The following DGKB variants were observed in gnomAD, a reference collection of about 807,000 sequenced individuals.
The protein encoded by DGKB is 90 kDa diacylglycerol kinase.
In DGKB, 67 loss-of-function variants were observed where a neutral mutation model predicts 114.3. The ratio of observed to expected loss-of-function variants is 0.59; its 90% CI spans 0.48 to 0.72. DGKB has a LOEUF of 0.72. DGKB is among the 30% of genes least tolerant of loss of function. The pLI is 0.00. For missense variants in DGKB, 907 were observed against 975.2 expected (o/e 0.93, Z 0.93); for synonymous variants, 398 against 323.1 (o/e 1.23, Z -2.49).
chr7:14,933,259 A>C (rs7787411), intron 1 of DGKB, among the ~76,000 whole-genome samples: 33,494 of 152,146 alleles, frequency 0.22, 5,838 homozygotes, highest in East Asian at 0.81. Context: ...GAACATACTT[A>C]AACTTTTCCA....
intron 1 of DGKB, among the ~76,000 whole-genome samples, chr7:14,861,128 A>C (rs73055010): frequency 1.3e-5 from 2 of 151,936 alleles, no homozygotes; most frequent in African/African-American, 4.8e-5. Flanking sequence ...TGTGTAATAA[A>C]TCCTAGACCA....
At chr7:14,647,377 G>C (rs890937529) in intron 13 of DGKB, among the ~76,000 whole-genome samples, 4 of 151,958 alleles carry the variant, frequency 2.6e-5, no homozygotes. Context: ...AGGACAGAGA[G>C]TTTTACTGCT....
chr7:14,806,454 T>C (rs894319766), intron 2 of DGKB, among the ~76,000 whole-genome samples: 1 of 152,100 alleles, frequency 6.6e-6, no homozygotes, highest in Non-Finnish European at 1.5e-5. Context: ...CTGCTAGTGA[T>C]GTAAATATGT....
chr7:14,239,879 G>A (rs953667762), intron 23 of DGKB, among the ~76,000 whole-genome samples: 7 of 151,972 alleles, frequency 4.6e-5, no homozygotes, highest in Middle Eastern at 3.2e-3. Flanking sequence ...AGGGATTGAA[G>A]TTTAGCTGGG....
intron 20 of DGKB, among the ~76,000 whole-genome samples, chr7:14,563,024 C>T (rs373283148): frequency 6.6e-6 from 1 of 152,120 alleles, no homozygotes; most frequent in East Asian, 1.9e-4. Flanking sequence ...AACTGAATCA[C>T]AGGGGCAGGT....
At chr7:14,292,367 T>C (rs954343607) in intron 23 of DGKB, among the ~76,000 whole-genome samples, 1 of 152,146 alleles carries the variant, frequency 6.6e-6, no homozygotes, top group Non-Finnish European at 1.5e-5. Context: ...TCTCACAGTA[T>C]TTTATGTGTA....
chr7:14,819,288 T>C (rs1178098766), intron 2 of DGKB, among the ~76,000 whole-genome samples: 1 of 152,088 alleles, frequency 6.6e-6, no homozygotes, highest in East Asian at 1.9e-4. Flanking sequence ...CAATAGTGAG[T>C]AATGATAATA....
At chr7:14,162,008 G>T (rs1783972609) in intron 25 of DGKB, among the ~76,000 whole-genome samples, 2 of 152,084 alleles carry the variant, frequency 1.3e-5, no homozygotes, top group Non-Finnish European at 2.9e-5. Flanking sequence ...GTGAAACAGT[G>T]GACTAGTTCT....
At chr7:14,799,764 A>C (rs2128044817) in intron 2 of DGKB, among the ~76,000 whole-genome samples, 1 of 152,316 alleles carries the variant, frequency 6.6e-6, no homozygotes, top group East Asian at 1.9e-4. Context: ...CTTTGCAGCA[A>C]GTACAGGCTG....
intron 23 of DGKB, among the ~76,000 whole-genome samples, chr7:14,284,650 G>A (rs1349393089): frequency 6.7e-6 from 1 of 148,776 alleles, no homozygotes; most frequent in East Asian, 2.0e-4. Context: ...AGAAAATGTG[G>A]CACATATACA....
chr7:14,395,985 T>C (rs1822154488), intron 21 of DGKB, among the ~76,000 whole-genome samples: 1 of 152,062 alleles, frequency 6.6e-6, no homozygotes, highest in African/African-American at 2.4e-5. Context: ...CTGCTTTCAA[T>C]ATAACTTTCC....
At chr7:14,888,643 G>C (rs918629259) in intron 1 of DGKB, among the ~76,000 whole-genome samples, 1 of 151,682 alleles carries the variant, frequency 6.6e-6, no homozygotes, top group African/African-American at 2.4e-5. Context: ...ATAAAAGACT[G>C]AGCAATCTAA....
At chr7:14,567,594 GATATAT>G (rs577240186) in intron 20 of DGKB, among the ~76,000 whole-genome samples, 1 of 98,442 alleles carries the variant, frequency 1.0e-5, no homozygotes, top group South Asian at 2.8e-4. Context: ...TATAAATAAA[GATATAT>G]ATATATATAT....
chr7:14,841,521 G>T, intron 1 of DGKB, 71 bp from the exon 2 acceptor site: 1 of 347,156 alleles, frequency 2.9e-6, no homozygotes, highest in Non-Finnish European at 5.2e-6. Context: ...ATGTCAAGGT[G>T]TTGAATGTTA....
chr7:14,824,996 A>T (rs887259624), intron 2 of DGKB, among the ~76,000 whole-genome samples: 1 of 133,494 alleles, frequency 7.5e-6, no homozygotes, highest in South Asian at 2.4e-4. Flanking sequence ...ATATGTGTGT[A>T]TATATATATG....
intron 1 of DGKB, among the ~76,000 whole-genome samples, chr7:14,920,127 A>G (rs1784442850): frequency 1.3e-5 from 2 of 152,224 alleles, no homozygotes; most frequent in Admixed American, 6.5e-5. Flanking sequence ...CACTGCCAAA[A>G]GTGAAATCCA....
intron 5 of DGKB, among the ~76,000 whole-genome samples, chr7:14,728,414 C>T (rs189295741): frequency 1.2e-3 from 188 of 152,282 alleles, no homozygotes; most frequent in Admixed American, 2.9e-3. Context: ...CTACCTCTCT[C>T]GCCTCTTCTG....
chr7:14,432,112 C>G (rs558511565), intron 21 of DGKB, among the ~76,000 whole-genome samples: 1 of 152,144 alleles, frequency 6.6e-6, no homozygotes, highest in East Asian at 1.9e-4. Flanking sequence ...AGTGTAACAG[C>G]ATCTATACAG....
chr7:14,964,038 AGT>A (rs1160594845), intron 1 of DGKB, among the ~76,000 whole-genome samples: 1 of 152,228 alleles, frequency 6.6e-6, no homozygotes, highest in East Asian at 1.9e-4. Context: ...TATAAGAAAA[AGT>A]GTGGAAGTTT....
Sources: allele counts gnomAD v4.1 joint callset (sites outside exome capture counted in the v4.1 genomes callset), GRCh38; gene constraint gnomAD v4.1.1; transcripts MANE v1.5; gene names NCBI Gene and HGNC (gene_info 2026-07-23, HGNC 2026-07-21).